PDE1C: variants seen among roughly 807,000 people sequenced by gnomAD.
PDE1C encodes dual specificity calcium/calmodulin-dependent 3',5'-cyclic nucleotide phosphodiesterase 1C.
Under a neutral mutation model 93.1 loss-of-function variants are expected in PDE1C, and 62 were observed. The observed-to-expected ratio is 0.67, with a 90% CI of 0.54 to 0.82. The LOEUF is 0.82. Among genes scored for constraint, PDE1C ranks in the 40% least tolerant of loss-of-function variants. The pLI is 0.00. For synonymous variants in PDE1C, 325 were observed against 310.1 expected (o/e 1.05, Z -0.50); for missense variants, 742 against 884.6 (o/e 0.84, Z 2.04).
intron 3 of PDE1C, among the ~76,000 whole-genome samples, chr7:32,094,287 C>T (rs931794471): frequency 6.6e-5 from 10 of 152,112 alleles, no homozygotes; most frequent in Non-Finnish European, 1.3e-4. Context: ...TGCCTCCAGC[C>T]CACCTCCTCT....
At chr7:32,262,742 C>T (rs954372233) in intron 1 of PDE1C, among the ~76,000 whole-genome samples, 6 of 152,180 alleles carry the variant, frequency 3.9e-5, no homozygotes, top group African/African-American at 7.2e-5. Context: ...GGGGAGCCCC[C>T]GTAACAACTC....
chr7:32,403,727 C>G (rs1410212048), intron 1 of PDE1C, among the ~76,000 whole-genome samples: 1 of 152,170 alleles, frequency 6.6e-6, no homozygotes, highest in East Asian at 1.9e-4. Flanking sequence ...CACGCTTTGG[C>G]ACGGAGCTCC....
At chr7:31,693,542 T>C in the PDE1C span, among the ~76,000 whole-genome samples, 1 of 152,224 alleles carries the variant, frequency 6.6e-6, no homozygotes, top group Non-Finnish European at 1.5e-5. Flanking sequence ...CTCAGTTTCC[T>C]CATCTTCAAC....
At chr7:31,958,682 A>G (rs962268026) in intron 2 of PDE1C, among the ~76,000 whole-genome samples, 3 of 152,180 alleles carry the variant, frequency 2.0e-5, no homozygotes, top group Non-Finnish European at 2.9e-5. Flanking sequence ...CCCAGACACA[A>G]TTCAAAAAAC....
chr7:31,829,662 G>A (rs1024673734), intron 11 of PDE1C, among the ~76,000 whole-genome samples: 2 of 152,076 alleles, frequency 1.3e-5, no homozygotes, highest in Non-Finnish European at 2.9e-5. Context: ...AGGGTCTCAG[G>A]AATAGTCCCT....
At chr7:31,907,275 C>T (rs2128930663) in intron 2 of PDE1C, among the ~76,000 whole-genome samples, 1 of 152,132 alleles carries the variant, frequency 6.6e-6, no homozygotes, top group East Asian at 1.9e-4. Context: ...TCCTCCTTCC[C>T]AAAACATGCA....
intron 2 of PDE1C, among the ~76,000 whole-genome samples, chr7:31,943,075 T>A (rs769742216): frequency 6.6e-6 from 1 of 152,122 alleles, no homozygotes; most frequent in Non-Finnish European, 1.5e-5. Context: ...CTATGCTGGA[T>A]AGCATGCAAA....
At chr7:32,195,312 T>A (rs1804535524) in intron 2 of PDE1C, among the ~76,000 whole-genome samples, 1 of 152,252 alleles carries the variant, frequency 6.6e-6, no homozygotes, top group Non-Finnish European at 1.5e-5. Flanking sequence ...AGAGTAGGCC[T>A]GCTGGCAACA....
At chr7:32,035,080 C>G (rs1449711834) in intron 2 of PDE1C, among the ~76,000 whole-genome samples, 1 of 152,140 alleles carries the variant, frequency 6.6e-6, no homozygotes, top group Admixed American at 6.6e-5. Context: ...AAAGCACCAA[C>G]ATTTTAAAGT....
intron 1 of PDE1C, among the ~76,000 whole-genome samples, chr7:32,220,287 C>A (rs541150106): frequency 6.6e-6 from 1 of 152,342 alleles, no homozygotes; most frequent in Admixed American, 6.5e-5. Context: ...GCCCCTTCCT[C>A]ATGCCAGGCA....
the PDE1C span, among the ~76,000 whole-genome samples, chr7:31,657,515 G>C: frequency 6.6e-6 from 1 of 152,176 alleles, no homozygotes; most frequent in Non-Finnish European, 1.5e-5. Flanking sequence ...ACAAGGAGAT[G>C]AGTTCCACCA....
At chr7:31,830,629 C>A (rs2191874) in intron 11 of PDE1C, among the ~76,000 whole-genome samples, 151,435 of 152,280 alleles carry the variant, frequency 0.99, 75,306 homozygotes, top group East Asian at 1. Flanking sequence ...CTGTTCACCA[C>A]ATCCCTATTC....
At chr7:31,924,899 C>A (rs7777474) in intron 2 of PDE1C, among the ~76,000 whole-genome samples, 4,794 of 152,306 alleles carry the variant, frequency 0.031, 238 homozygotes, top group African/African-American at 0.11. Flanking sequence ...AGCCAAAAAG[C>A]AGTCTTTAAT....
intron 1 of PDE1C, among the ~76,000 whole-genome samples, chr7:32,305,571 T>G (rs1812977745): frequency 6.6e-6 from 1 of 152,326 alleles, no homozygotes; most frequent in African/African-American, 2.4e-5. Flanking sequence ...CTTCCTATCC[T>G]TCCTCCAGAG....
At chr7:31,839,304 A>G (rs1288413233) in intron 9 of PDE1C, among the ~76,000 whole-genome samples, 1 of 150,948 alleles carries the variant, frequency 6.6e-6, no homozygotes, top group Non-Finnish European at 1.5e-5. Flanking sequence ...GAAAATATAC[A>G]CACATATTAT....
the PDE1C span, among the ~76,000 whole-genome samples, chr7:31,660,655 G>A: frequency 5.9e-5 from 9 of 151,780 alleles, no homozygotes; most frequent in African/African-American, 2.2e-4. Context: ...TATCTTATTT[G>A]TCAGCCCTTA....
chr7:31,827,283 G>A (rs1030142569), intron 12 of PDE1C, among the ~76,000 whole-genome samples: 1 of 151,950 alleles, frequency 6.6e-6, no homozygotes, highest in African/African-American at 2.4e-5. Flanking sequence ...CCCACCCCTA[G>A]CTCACCTCCA....
intron 2 of PDE1C, among the ~76,000 whole-genome samples, chr7:32,192,249 GATC>G (rs1158339453): frequency 6.6e-6 from 1 of 152,026 alleles, no homozygotes; most frequent in Non-Finnish European, 1.5e-5. Flanking sequence ...TACTTTTATA[GATC>G]ATATTTTTGT....
intron 1 of PDE1C, among the ~76,000 whole-genome samples, chr7:32,236,748 T>C (rs942625450): frequency 3.9e-5 from 6 of 152,194 alleles, no homozygotes; most frequent in African/African-American, 1.2e-4. Flanking sequence ...GAAAACAGCT[T>C]TACAGTTTCT....
Sources: gnomAD v4.1 joint callset for allele counts (sites outside exome capture counted in the v4.1 genomes callset) on GRCh38, gnomAD v4.1.1 for gene constraint, MANE v1.5 for transcripts, NCBI Gene and HGNC (gene_info 2026-07-23, HGNC 2026-07-21) for gene names.